The following CTIF variants were observed in gnomAD, a reference collection of about 807,000 sequenced individuals.
The protein encoded by CTIF is cap binding complex dependent translation initiation factor.
CTIF carries 21 observed loss-of-function variants against 66.0 expected under a neutral mutation model. That is an observed-to-expected ratio of 0.32 (90% confidence interval 0.23 to 0.46). The LOEUF is 0.46. CTIF is among the 20% of genes least tolerant of loss of function. The probability of loss-of-function intolerance (pLI) is 1.00; values close to 1 mark genes in which losing one functional copy is unlikely to be tolerated. For missense variants in CTIF, 739 were observed against 812.7 expected (o/e 0.91, Z 1.10); for synonymous variants, 345 against 326.4 (o/e 1.06, Z -0.62).
At chr18:48,561,279 G>C (rs1277623360) in intron 1 of CTIF, among the ~76,000 whole-genome samples, 1 of 148,348 alleles carries the variant, frequency 6.7e-6, no homozygotes, top group Non-Finnish European at 1.5e-5. Flanking sequence ...AAACTTGCTT[G>C]TATCATTTGA....
intron 1 of CTIF, among the ~76,000 whole-genome samples, chr18:48,547,245 A>C (rs1218469589): frequency 6.6e-6 from 1 of 152,102 alleles, no homozygotes; most frequent in African/African-American, 2.4e-5. Flanking sequence ...TTAGGAAAAA[A>C]CTTCAGATGA....
chr18:48,670,891 C>A, intron 6 of CTIF, 147 bp downstream of exon 6: 1 of 647,980 alleles, frequency 1.5e-6, no homozygotes, highest in Non-Finnish European at 2.7e-6. Flanking sequence ...ATAGGCAGGG[C>A]TGGCTACCTG....
chr18:48,649,882 GGACCT>G (rs2091123756), intron 3 of CTIF, among the ~76,000 whole-genome samples: 1 of 152,210 alleles, frequency 6.6e-6, no homozygotes, highest in Admixed American at 6.5e-5. Context: ...TGCACCTGAG[GGACCT>G]GACTGTTAGA....
At chr18:48,803,780 G>T (rs780744309) in intron 9 of CTIF, among the ~76,000 whole-genome samples, 3 of 152,184 alleles carry the variant, frequency 2.0e-5, no homozygotes, top group Admixed American at 6.5e-5. Context: ...GGGGAGGGGG[G>T]GCTCTGTCTT....
At chr18:48,817,728 A>G (rs2068397652) in intron 10 of CTIF, among the ~76,000 whole-genome samples, 1 of 151,508 alleles carries the variant, frequency 6.6e-6, no homozygotes. Context: ...GTGAGCCGAG[A>G]TCGCACACTG....
intron 3 of CTIF, among the ~76,000 whole-genome samples, chr18:48,646,723 G>T (rs1237064619): frequency 6.6e-6 from 1 of 150,548 alleles, no homozygotes; most frequent in Non-Finnish European, 1.5e-5. Context: ...CTTCAGCCTG[G>T]GTAACAGCGA....
At chr18:48,691,951 G>A (rs1568140456) in intron 6 of CTIF, among the ~76,000 whole-genome samples, 2 of 152,098 alleles carry the variant, frequency 1.3e-5, no homozygotes, top group African/African-American at 2.4e-5. Flanking sequence ...GTGTGATTTC[G>A]GCTCACGGCA....
intron 1 of CTIF, among the ~76,000 whole-genome samples, chr18:48,591,310 G>A (rs1268493025): frequency 1.3e-5 from 2 of 152,168 alleles, no homozygotes; most frequent in Non-Finnish European, 2.9e-5. Flanking sequence ...CTCTGATGTG[G>A]TACCCACCGC....
chr18:48,746,966 G>A (rs557797877), intron 7 of CTIF, among the ~76,000 whole-genome samples: 13 of 151,884 alleles, frequency 8.6e-5, no homozygotes, highest in East Asian at 3.9e-4. Context: ...CCCATGTCTC[G>A]CCACATGCTG....
In CTIF at chr18:48,761,127, T is replaced by G. The variant is rs1034146989; in HGVS notation, c.1072-263T>G. 5 of 370,678 alleles carry G rather than the reference T, an allele frequency of 1.3e-5. No homozygotes were observed. Among genetic ancestry groups the G allele is most frequent in the African/African-American group, 2.1e-5 (1 of 48,426 alleles). The allele number at this position is 370,678 out of a possible 1,614,324, so 23.0% of individuals were successfully genotyped here. A position where few individuals can be genotyped will look rare whatever the true frequency, so the allele number is the denominator to read the frequency against. ...TGGACAAATAAACAAAAAAAGCCAA[T>G]GTATATGAGAATCCTGGGTAGGAGC... On this transcript the variant is annotated intron_variant, in intron 8 of 11. Coordinates refer to ENST00000256413, the MANE Select transcript of CTIF (RefSeq NM_014772.3). The surrounding 1 kb of genome is among the most constrained non-coding windows in gnomAD (Gnocchi z 4.2).
At chr18:48,740,540 C>G (rs913737336) in intron 7 of CTIF, among the ~76,000 whole-genome samples, 7 of 152,246 alleles carry the variant, frequency 4.6e-5, no homozygotes, top group Non-Finnish European at 1.5e-5. Flanking sequence ...CTGCTCTTAG[C>G]AGAATGGTCA....
At chr18:48,781,579 G>A (rs144938796) in intron 9 of CTIF, among the ~76,000 whole-genome samples, 2 of 152,268 alleles carry the variant, frequency 1.3e-5, no homozygotes, top group East Asian at 1.9e-4. Context: ...CATATCTAGC[G>A]AGATTTTTGT....
chr18:48,860,029 C>T lies in CTIF; in HGVS notation c.*470C>T. The stretch of plus-strand genomic sequence containing the variant: ...TCCCGCATGCTGTCAGCCGCAGTCG[C>T]CAACTGGCAGCAGGCGACGTGTAGC... On this transcript the variant is annotated 3_prime_UTR_variant, in exon 12 of 12. Transcript: ENST00000256413. The T allele has an allele frequency of 4.5e-6, 2 of 440,824 alleles. 1 individual carries two copies. Among genetic ancestry groups the T allele is most frequent in the South Asian group, 3.2e-5 (2 of 63,028 alleles). 27.3% of individuals were successfully genotyped at this position (440,824 alleles called of 1,614,324 possible).
At chr18:48,573,033 T>C (rs1349566792) in intron 1 of CTIF, among the ~76,000 whole-genome samples, 1 of 151,192 alleles carries the variant, frequency 6.6e-6, no homozygotes, top group African/African-American at 2.4e-5. Flanking sequence ...CATTTTCAGC[T>C]CAGAGAACTG....
chr18:48,769,371 C>T (rs548839202), intron 9 of CTIF, among the ~76,000 whole-genome samples: 10 of 152,362 alleles, frequency 6.6e-5, no homozygotes, highest in East Asian at 1.9e-4. Flanking sequence ...CCGCTTTCCC[C>T]GTGGGCAGGC....
intron 10 of CTIF, among the ~76,000 whole-genome samples, chr18:48,840,937 C>T (rs1363075211): frequency 6.7e-6 from 1 of 148,754 alleles, no homozygotes; most frequent in East Asian, 2.0e-4. Flanking sequence ...AGTGTTGATC[C>T]TTCTTCAATA....
intron 10 of CTIF, among the ~76,000 whole-genome samples, chr18:48,846,779 A>G (rs1331314282): frequency 6.6e-6 from 1 of 151,230 alleles, no homozygotes; most frequent in Non-Finnish European, 1.5e-5. Flanking sequence ...GGATGAATGG[A>G]TGGATGGATG....
chr18:48,714,542 C>CT (rs1598914095), intron 7 of CTIF, among the ~76,000 whole-genome samples: 1 of 152,060 alleles, frequency 6.6e-6, no homozygotes, highest in African/African-American at 2.4e-5. Context: ...GCTGCTGAAG[C>CT]TAGGAGCATG....
At chr18:48,702,290 G>T (rs769348671) in intron 6 of CTIF, among the ~76,000 whole-genome samples, 33 of 152,318 alleles carry the variant, frequency 2.2e-4, no homozygotes, top group Admixed American at 7.2e-4. Flanking sequence ...CCCAGCCTCT[G>T]GAACCGCAGT....
Sources: gnomAD v4.1 joint callset for allele counts (sites outside exome capture counted in the v4.1 genomes callset) on GRCh38, gnomAD v4.1.1 for gene constraint, Gnocchi (gnomAD v3.1) non-coding constraint, MANE v1.5 for transcripts, NCBI Gene and HGNC (gene_info 2026-07-23, HGNC 2026-07-21) for gene names.